Variants in TBK1 observed in about 807,000 individuals in gnomAD.
The protein encoded by TBK1 is serine/threonine-protein kinase TBK1.
A neutral mutation model predicts 99.9 loss-of-function variants in TBK1; 37 were observed. The ratio of observed to expected loss-of-function variants is 0.37; its 90% confidence interval spans 0.28 to 0.49. TBK1 has a LOEUF of 0.49. Among genes scored for constraint, TBK1 ranks in the 20% least tolerant of loss-of-function variants. TBK1 has a pLI of 0.98. For synonymous variants in TBK1, 258 were observed against 279.8 expected, an observed-to-expected ratio of 0.92 and a Z score of 0.78; for missense variants, 644 against 872.5, an observed-to-expected ratio of 0.74 and a Z score of 3.30.
rs756083816 is a variant in TBK1 at position 64,484,338 on chromosome 12, C to G, written c.1028C>G (p.Thr343Ser). The change falls in exon 9 of 21, where the codon ACC becomes AGC. Residue 343 changes from threonine to serine, a missense_variant. Physicochemically the swap from Thr to Ser is moderately conservative, Grantham distance 58. Coordinates refer to ENST00000331710, the MANE Select transcript of TBK1 (RefSeq NM_013254.4). ...TTTCATGAACTGGTATATAAACAAA[C>G]CAAAATTATTTCTTCAAATCAAGAA... Reference protein sequence around the residue: ...TIFHELVYKQTKIISSNQELI... With the variant: ...TIFHELVYKQSKIISSNQELI... 1.9e-6 allele frequency: 3 copies of G among 1,613,274 alleles called. No individual in the cohort carries two copies. Among genetic ancestry groups the G allele is most frequent in the Non-Finnish European group, 2.5e-6 (3 of 1,179,690 alleles).
Position 64,496,963 on chromosome 12 carries a change from A to T in TBK1, c.1775A>T (p.Tyr592Phe). Residue 592 changes from tyrosine to phenylalanine, a missense_variant, in exon 17 of 21, where the codon TAC becomes TTC. Physicochemically the swap from Tyr to Phe is conservative, Grantham distance 22 (BLOSUM62 3). Around this residue, in one of 3 missense-constraint regions of TBK1, gnomAD observed 465 missense variants for 588.0 expected, o/e 0.79. Coordinates refer to ENST00000331710, the MANE Select transcript of TBK1 (RefSeq NM_013254.4). ...CTAAATTACAGGCAAAAACTGTATT[A>T]CCATGCCACAAAAGCTATGACGCAC... The part of the protein sequence containing the change: ...IHKFDKQKLY[Y>F]HATKAMTHFT... The T allele has an allele frequency of 6.2e-7, 1 of 1,612,364 alleles. No homozygotes were observed. The highest frequency in any genetic ancestry group is 8.5e-7 in the Non-Finnish European group (1 of 1,179,074).
chr12:64,453,293 T>C (rs189429703), intron 1 of TBK1, among the ~76,000 whole-genome samples: 2 of 152,348 alleles, frequency 1.3e-5, no homozygotes, highest in East Asian at 3.9e-4. Context: ...TAAATATTTT[T>C]CTTATTATCC....
intron 6 of TBK1, among the ~76,000 whole-genome samples, chr12:64,477,266 T>G (rs907448832): frequency 2.0e-5 from 3 of 152,250 alleles, no homozygotes; most frequent in African/African-American, 7.2e-5. Context: ...AGTATGGATA[T>G]TTTAATGATA....
At chr12:64,472,475 T>C (rs554900272) in intron 5 of TBK1, among the ~76,000 whole-genome samples, 1 of 152,304 alleles carries the variant, frequency 6.6e-6, no homozygotes, top group Admixed American at 6.5e-5. Context: ...TTTTCAAGAT[T>C]TATCTTCCAA....
chr12:64,456,775 G>A (rs948120923), intron 2 of TBK1, among the ~76,000 whole-genome samples: 1 of 151,654 alleles, frequency 6.6e-6, no homozygotes, highest in African/African-American at 2.4e-5. Flanking sequence ...CCAGGAGGCG[G>A]AGGCTGCAGT....
At chr12:64,464,587 G>A in intron 4 of TBK1, 124 bp downstream of exon 4, 1 of 688,742 alleles carries the variant, frequency 1.5e-6, no homozygotes, top group Non-Finnish European at 2.1e-6. Flanking sequence ...GACACCAAAA[G>A]CACAAATACC....
At chr12:64,471,068 T>A (rs1200668621) in intron 5 of TBK1, among the ~76,000 whole-genome samples, 1 of 152,198 alleles carries the variant, frequency 6.6e-6, no homozygotes, top group Non-Finnish European at 1.5e-5. Context: ...AACTGGAAAC[T>A]TCCCTCGTTT....
intron 2 of TBK1, among the ~76,000 whole-genome samples, chr12:64,457,671 A>G (rs2040503906): frequency 6.6e-6 from 1 of 152,212 alleles, no homozygotes; most frequent in African/African-American, 2.4e-5. Context: ...GTCAATAGTG[A>G]TAGAGACTGG....
At chr12:64,458,512 C>T (rs199907797) in intron 2 of TBK1, among the ~76,000 whole-genome samples, 30 of 144,158 alleles carry the variant, frequency 2.1e-4, no homozygotes, top group African/African-American at 4.1e-4. Context: ...TGGATATATA[C>T]ATATATATAT....
intron 6 of TBK1, among the ~76,000 whole-genome samples, chr12:64,477,003 C>A (rs981505873): frequency 6.6e-6 from 1 of 152,122 alleles, no homozygotes; most frequent in Non-Finnish European, 1.5e-5. Flanking sequence ...TTTTAGGAGT[C>A]TCTATTCTGT....
At chr12:64,480,915 A>G (rs2040762247) in intron 7 of TBK1, among the ~76,000 whole-genome samples, 2 of 152,292 alleles carry the variant, frequency 1.3e-5, no homozygotes, top group Admixed American at 6.5e-5. Context: ...AAATAAATAT[A>G]TAAAACAAGC....
chr12:64,479,260 A>G (rs1326063887), intron 6 of TBK1, among the ~76,000 whole-genome samples: 1 of 152,124 alleles, frequency 6.6e-6, no homozygotes, highest in Non-Finnish European at 1.5e-5. Context: ...CATTTATTCT[A>G]TTCACTTCTC....
At chr12:64,465,264 AC>A (rs1431903382) in intron 4 of TBK1, among the ~76,000 whole-genome samples, 9 of 150,622 alleles carry the variant, frequency 6.0e-5, no homozygotes, top group Admixed American at 4.6e-4. Context: ...AAAAAAAAAA[AC>A]AAGTGTTGGC....
At chr12:64,496,887 C>A (rs2136088087) in intron 16 of TBK1, 62 bp from the exon 17 acceptor site, 1 of 1,136,564 alleles carries the variant, frequency 8.8e-7, no homozygotes, top group Non-Finnish European at 1.3e-6. Context: ...TTGAAAATTT[C>A]TAAATATTGA....
chr12:64,471,496 G>T (rs2040662296), intron 5 of TBK1, among the ~76,000 whole-genome samples: 1 of 152,086 alleles, frequency 6.6e-6, no homozygotes, highest in African/African-American at 2.4e-5. Flanking sequence ...GGGATTACAG[G>T]TGTGTGCCAC....
chr12:64,468,864 G>A (rs1259117956), intron 5 of TBK1, among the ~76,000 whole-genome samples: 1 of 152,072 alleles, frequency 6.6e-6, no homozygotes, highest in Non-Finnish European at 1.5e-5. Flanking sequence ...CCGTTCCCTG[G>A]CCCTGTGAAA....
intron 8 of TBK1, among the ~76,000 whole-genome samples, chr12:64,482,554 T>TA (rs2040777895): frequency 6.6e-6 from 1 of 152,228 alleles, no homozygotes; most frequent in Non-Finnish European, 1.5e-5. Context: ...ACCCATGTGA[T>TA]AAAACTGCAT....
At chr12:64,478,994 C>G (rs1415819562) in intron 6 of TBK1, among the ~76,000 whole-genome samples, 2 of 152,146 alleles carry the variant, frequency 1.3e-5, no homozygotes, top group Non-Finnish European at 2.9e-5. Flanking sequence ...GGCAGATATA[C>G]CATTAGAAGA....
At chr12:64,463,379 CAAAA>C (rs113080890) in intron 3 of TBK1, among the ~76,000 whole-genome samples, 3 of 111,496 alleles carry the variant, frequency 2.7e-5, no homozygotes, top group Admixed American at 9.5e-5. Flanking sequence ...GACTTTGTCT[CAAAA>C]AAAAAAAAAA....
Sources: allele counts gnomAD v4.1 joint callset (sites outside exome capture counted in the v4.1 genomes callset), GRCh38; gene constraint gnomAD v4.1.1; regional missense constraint gnomAD v4.1.1; transcripts MANE v1.5; gene names NCBI Gene and HGNC (gene_info 2026-07-23, HGNC 2026-07-21).